Variants in UNC79 observed in about 807,000 individuals in gnomAD.
UNC79 encodes the protein unc-79 subunit of NALCN channel complex, also known as protein unc-79 homolog.
UNC79 carries 37 observed loss-of-function variants against 283.1 expected under a neutral mutation model. That is an observed-to-expected ratio of 0.13 (90% confidence interval 0.10 to 0.17). The LOEUF is 0.17. Among genes scored for constraint, UNC79 ranks in the 10% least tolerant of loss-of-function variants. The probability of loss-of-function intolerance (pLI) is 1.00; values close to 1 mark genes in which losing one functional copy is unlikely to be tolerated. For synonymous variants in UNC79, 1,107 were observed against 1,200.2 expected, an observed-to-expected ratio of 0.92 and a Z score of 1.61; for missense variants, 2,272 against 3,211.1, an observed-to-expected ratio of 0.71 and a Z score of 7.07.
Position 93,513,211 on chromosome 14 carries a change from CTTCCTTCCTTCT to C in UNC79, c.899-10755_899-10744del, listed in dbSNP as rs1199872515. Among the ~76,000 whole-genome samples, 62 of 93,526 alleles carry C rather than the reference CTTCCTTCCTTCT, an allele frequency of 6.6e-4. No individual in the cohort carries two copies. The East Asian group carries it at 7.0e-3, about 11-fold the overall frequency. The allele number at this position is 93,526 out of a possible 152,430, so 61.4% of individuals were successfully genotyped here. A position where few individuals can be genotyped will look rare whatever the true frequency, so the allele number is the denominator to read the frequency against. Reference sequence around the variant, plus strand: ...CCTCCCTTCCTTCCTTCTTTCCTTCCTTCCTTCCTTCTTTCCTTCCTTCCTTCCTAACATGGT... The same window carrying C: ...CCTCCCTTCCTTCCTTCTTTCCTTCCTTCCTTCCTTCCTTCCTAACATGGT... On this transcript the variant is annotated intron_variant, in intron 7 of 48. Coordinates refer to ENST00000555664, the Ensembl canonical transcript of UNC79.
chr14:93,583,547 A>C (rs191340542), intron 20 of UNC79, among the ~76,000 whole-genome samples: 1 of 152,176 alleles, frequency 6.6e-6, no homozygotes, highest in African/African-American at 2.4e-5. Flanking sequence ...TGAACAGTGA[A>C]TTGTGTATGA....
intron 15 of UNC79, 39 bp downstream of exon 15, chr14:93,572,123 C>A (rs1353324944): frequency 7.5e-6 from 12 of 1,598,354 alleles, no homozygotes; most frequent in Non-Finnish European, 1.0e-5. Context: ...TAATTATAAT[C>A]ATATCTAACG....
intron 1 of UNC79, among the ~76,000 whole-genome samples, chr14:93,447,356 C>T (rs185555462): frequency 2.6e-5 from 4 of 152,140 alleles, no homozygotes; most frequent in Admixed American, 6.5e-5. Context: ...CAGTTAATAA[C>T]GTACTACCTT....
intron 1 of UNC79, among the ~76,000 whole-genome samples, chr14:93,458,009 G>A (rs1313220327): frequency 6.6e-6 from 1 of 152,156 alleles, no homozygotes; most frequent in Non-Finnish European, 1.5e-5. Context: ...AAGGTTTCAG[G>A]CATAATTTTT....
At chr14:93,364,068 G>A (rs1476612355) in intron 1 of UNC79, among the ~76,000 whole-genome samples, 2 of 152,072 alleles carry the variant, frequency 1.3e-5, no homozygotes, top group African/African-American at 4.8e-5. Flanking sequence ...TTTAAAGTCT[G>A]TTTTATCTGA....
chr14:93,336,796 T>C (rs2053586261), intron 1 of UNC79, among the ~76,000 whole-genome samples: 1 of 152,226 alleles, frequency 6.6e-6, no homozygotes, highest in Non-Finnish European at 1.5e-5. Flanking sequence ...ATTTAAAATA[T>C]GAACTTAAGT....
intron 1 of UNC79, among the ~76,000 whole-genome samples, chr14:93,360,027 A>G (rs2054187518): frequency 6.6e-6 from 1 of 152,194 alleles, no homozygotes; most frequent in African/African-American, 2.4e-5. Flanking sequence ...CCTCCAGTTA[A>G]AGTAGGGACT....
At chr14:93,576,759 C>G (rs1222322617) in intron 17 of UNC79, among the ~76,000 whole-genome samples, 1 of 151,678 alleles carries the variant, frequency 6.6e-6, no homozygotes, top group Non-Finnish European at 1.5e-5. Context: ...GGAGATGCTC[C>G]CAGAGATGTA....
chr14:93,420,284 C>G (rs2055567612), intron 1 of UNC79, among the ~76,000 whole-genome samples: 1 of 151,306 alleles, frequency 6.6e-6, no homozygotes, highest in Non-Finnish European at 1.5e-5. Context: ...ATACTCCATG[C>G]CAATGGAAAC....
At chr14:93,350,040 G>T (rs1419684435) in intron 1 of UNC79, among the ~76,000 whole-genome samples, 1 of 152,198 alleles carries the variant, frequency 6.6e-6, no homozygotes, top group East Asian at 1.9e-4. Context: ...GAATATTTGG[G>T]TCATTTCTAA....
exon 15 of UNC79, chr14:93,571,909 G>A: frequency 6.2e-7 from 1 of 1,613,918 alleles, no homozygotes; most frequent in Non-Finnish European, 8.5e-7. Context: ...TGGCTACTGG[G>A]ATAAGTCCTG....
intron 5 of UNC79, among the ~76,000 whole-genome samples, chr14:93,489,853 G>A (rs1466947565): frequency 6.6e-6 from 1 of 152,206 alleles, no homozygotes; most frequent in Non-Finnish European, 1.5e-5. Flanking sequence ...GGCCCCCACA[G>A]TGGTTCCCTT....
intron 1 of UNC79, among the ~76,000 whole-genome samples, chr14:93,421,272 C>A (rs976213202): frequency 6.6e-6 from 1 of 151,556 alleles, no homozygotes; most frequent in African/African-American, 2.4e-5. Context: ...GGAGACATTA[C>A]AACTTATACT....
intron 1 of UNC79, among the ~76,000 whole-genome samples, chr14:93,432,693 G>A (rs529545085): frequency 1.3e-5 from 2 of 152,234 alleles, no homozygotes; most frequent in South Asian, 4.1e-4. Flanking sequence ...CTGTTTTGAG[G>A]AATGGTAACA....
At chr14:93,695,721 A>G (rs959406746) in intron 47 of UNC79, among the ~76,000 whole-genome samples, 17 of 151,404 alleles carry the variant, frequency 1.1e-4, no homozygotes, top group African/African-American at 4.1e-4. Flanking sequence ...GTGAAACACC[A>G]TCTCTACTAA....
In UNC79 at chr14:93,467,651, TTTTTTTTGCTTTTA is replaced by T; in HGVS notation, c.23-18_23-5del. ...TCCTTTTTTTTTTTTTTTTTTTTTTTTTTTTTTGCTTTTATCTAGTTGCTTCCAAGATCCGGTAC... is the reference window on the plus strand; with the variant it reads ...TCCTTTTTTTTTTTTTTTTTTTTTTTTCTAGTTGCTTCCAAGATCCGGTAC... On this transcript the variant is annotated splice_region_variant and splice_polypyrimidine_tract_variant and intron_variant, in intron 1 of 48. Transcript: ENST00000555664. 9.4e-7 allele frequency: 1 copy of T among 1,064,870 alleles called. No homozygotes were observed. The highest frequency in any genetic ancestry group is 2.2e-5 in the African/African-American group (1 of 45,876). 66.0% of individuals were successfully genotyped at this position (1,064,870 alleles called of 1,614,324 possible). A position where few individuals can be genotyped will look rare whatever the true frequency, so the allele number is the denominator to read the frequency against.
At chr14:93,632,139 C>A (rs1354757604) in intron 31 of UNC79, among the ~76,000 whole-genome samples, 1 of 152,180 alleles carries the variant, frequency 6.6e-6, no homozygotes, top group African/African-American at 2.4e-5. Flanking sequence ...TTTAGACTTA[C>A]AAAGCCATGT....
intron 26 of UNC79, chr14:93,604,916 G>A: frequency 6.3e-7 from 1 of 1,586,672 alleles, no homozygotes. Flanking sequence ...GACCAGGCAT[G>A]AGCAGTCTGC....
chr14:93,359,295 A>T (rs1224935615), intron 1 of UNC79, among the ~76,000 whole-genome samples: 1 of 152,170 alleles, frequency 6.6e-6, no homozygotes, highest in East Asian at 1.9e-4. Context: ...AGGATTAGTC[A>T]CTTTAGACCT....
Sources: gnomAD v4.1 joint callset for allele counts (sites outside exome capture counted in the v4.1 genomes callset) on GRCh38, gnomAD v4.1.1 for gene constraint, MANE v1.5 for transcripts, NCBI Gene and HGNC (gene_info 2026-07-23, HGNC 2026-07-21) for gene names.